Variants in ITGA9 observed in about 807,000 individuals in gnomAD.
ITGA9 encodes the protein integrin subunit alpha 9, also known as integrin alpha-9.
ITGA9 carries 56 observed loss-of-function variants against 127.8 expected under a neutral mutation model. The observed-to-expected ratio is 0.44, with a 90% CI of 0.35 to 0.55. ITGA9 has a LOEUF of 0.55. Among genes scored for constraint, ITGA9 ranks in the 20% least tolerant of loss-of-function variants. The pLI is 0.00. For synonymous variants in ITGA9, 508 were observed against 514.5 expected, an observed-to-expected ratio of 0.99 and a Z score of 0.17; for missense variants, 1,196 against 1,347.1, an observed-to-expected ratio of 0.89 and a Z score of 1.76.
chr3:37,711,774 G>T (rs186196402), intron 18 of ITGA9, among the ~76,000 whole-genome samples: 10 of 152,156 alleles, frequency 6.6e-5, no homozygotes, highest in Non-Finnish European at 1.5e-4. Flanking sequence ...TGTACTTAGG[G>T]TCAATGTTCT....
chr3:37,739,653 C>G (rs912092462), intron 20 of ITGA9, among the ~76,000 whole-genome samples: 103 of 152,254 alleles, frequency 6.8e-4, no homozygotes, highest in African/African-American at 2.4e-3. Flanking sequence ...GAAAGTATCC[C>G]AGCTCATTAG....
intron 18 of ITGA9, among the ~76,000 whole-genome samples, chr3:37,728,643 T>C (rs1245068272): frequency 6.6e-6 from 1 of 152,066 alleles, no homozygotes; most frequent in Non-Finnish European, 1.5e-5. Flanking sequence ...TTCTCTTCCT[T>C]AGTATGGATT....
intron 8 of ITGA9, among the ~76,000 whole-genome samples, chr3:37,513,424 C>CT (rs922269433): frequency 2.0e-5 from 3 of 151,296 alleles, no homozygotes; most frequent in African/African-American, 4.9e-5. Context: ...AGGGATGTTT[C>CT]TTTTTTTTTA....
At chr3:37,753,833 A>G (rs2125539551) in intron 23 of ITGA9, 1 of 152,296 alleles carries the variant, frequency 6.6e-6, no homozygotes, top group South Asian at 2.1e-4. Flanking sequence ...GGACATTGTC[A>G]GCAAACCACC....
chr3:37,681,955 A>C (rs995107747), intron 17 of ITGA9, among the ~76,000 whole-genome samples: 4 of 152,062 alleles, frequency 2.6e-5, no homozygotes, highest in African/African-American at 4.8e-5. Context: ...CCCATCTACT[A>C]ATGCATCTTC....
rs769351703 is a variant in ITGA9 at position 37,542,512 on chromosome 3, T to A, written c.1616T>A (p.Met539Lys). 1.2e-6 allele frequency: 2 copies of A among 1,614,124 alleles called. No individual in the cohort carries two copies. Among genetic ancestry groups the A allele is most frequent in the Non-Finnish European group, 1.7e-6 (2 of 1,180,018 alleles). ...TACTTTGTGCTGCTGGGAGAGACCA[T>A]GGGTCAGGTCACAGAGAAGCTGCAG... is the stretch of plus-strand genomic sequence containing the variant. ...RVYFVLLGET[M>K]GQVTEKLQLT... Residue 539 changes from methionine (M) to lysine (K), a missense_variant, in exon 15 of 28, where the codon ATG becomes AAG. Met to Lys is a moderately conservative substitution (Grantham distance 95). Coordinates refer to ENST00000264741, the MANE Select transcript of ITGA9 (RefSeq NM_002207.3).
chr3:37,767,150 G>A (rs141371255), intron 23 of ITGA9, among the ~76,000 whole-genome samples: 3 of 152,338 alleles, frequency 2.0e-5, no homozygotes, highest in East Asian at 3.9e-4. Context: ...CCCTAAAGCT[G>A]ATGGAAATGA....
chr3:37,784,734 G>T (rs182824361), intron 25 of ITGA9, among the ~76,000 whole-genome samples: 1 of 152,148 alleles, frequency 6.6e-6, no homozygotes, highest in East Asian at 1.9e-4. Flanking sequence ...CACATCTTGC[G>T]TGTGTTGATT....
At chr3:37,470,353 G>C (rs1028614277) in intron 1 of ITGA9, among the ~76,000 whole-genome samples, 2 of 152,092 alleles carry the variant, frequency 1.3e-5, no homozygotes, top group African/African-American at 4.8e-5. Context: ...GAAGGTTCTA[G>C]TTACTCTATA....
At chr3:37,578,538 T>C (rs1259128817) in intron 15 of ITGA9, among the ~76,000 whole-genome samples, 1 of 152,202 alleles carries the variant, frequency 6.6e-6, no homozygotes, top group Non-Finnish European at 1.5e-5. Context: ...TTTCTCCCCA[T>C]GGCTTGGCCA....
chr3:37,644,431 G>T (rs563688139), intron 16 of ITGA9, among the ~76,000 whole-genome samples: 2 of 152,210 alleles, frequency 1.3e-5, no homozygotes, highest in East Asian at 1.9e-4. Context: ...ACAATGGAGG[G>T]GTGGGGAAGT....
chr3:37,590,309 G>C (rs144093339), intron 15 of ITGA9, among the ~76,000 whole-genome samples: 1 of 152,136 alleles, frequency 6.6e-6, no homozygotes, highest in Non-Finnish European at 1.5e-5. Context: ...GCTTTATCCC[G>C]CTGAGCAGTG....
At chr3:37,530,271 C>T (rs1340059976) in intron 13 of ITGA9, among the ~76,000 whole-genome samples, 1 of 152,206 alleles carries the variant, frequency 6.6e-6, no homozygotes, top group Non-Finnish European at 1.5e-5. Context: ...TTGGCTCAGC[C>T]TGGCCTAACT....
intron 26 of ITGA9, among the ~76,000 whole-genome samples, chr3:37,789,091 G>A (rs1697074601): frequency 6.6e-6 from 1 of 152,024 alleles, no homozygotes; most frequent in Admixed American, 6.6e-5. Context: ...TTTCTCCTGT[G>A]TGCCTTTATT....
At chr3:37,548,993 C>G (rs191479686) in intron 15 of ITGA9, among the ~76,000 whole-genome samples, 185 of 152,328 alleles carry the variant, frequency 1.2e-3, no homozygotes, top group Non-Finnish European at 1.9e-3. Context: ...TCATCCAGCT[C>G]AGGTGTGAAG....
chr3:37,654,666 C>T (rs182283921), intron 17 of ITGA9, among the ~76,000 whole-genome samples: 3 of 152,124 alleles, frequency 2.0e-5, no homozygotes, highest in African/African-American at 7.2e-5. Context: ...CATGAATATA[C>T]TATTATGAAC....
At position 37,595,107 on chromosome 3, in the gene ITGA9, G is replaced by GT. The variant is rs201603327; in HGVS notation, c.1690-34071dup. Among the ~76,000 whole-genome samples, 1,329 of 150,428 alleles carry GT rather than the reference G, an allele frequency of 8.8e-3. 9 individuals carry two copies. Among genetic ancestry groups the GT allele is most frequent in the Middle Eastern group, 0.021 (6 of 292 alleles). ...TTTTGTTGTTTTTGTTTTTGTTTTT[G>GT]TTTTTTTTTGACTTTGAGACAGGAT... is the stretch of plus-strand genomic sequence containing the variant. On this transcript the variant is annotated intron_variant, in intron 15 of 27. Transcript: ENST00000264741.
At chr3:37,567,824 G>A (rs139715446) in intron 15 of ITGA9, among the ~76,000 whole-genome samples, 91 of 152,310 alleles carry the variant, frequency 6.0e-4, no homozygotes, top group African/African-American at 1.1e-3. Flanking sequence ...GCAGCTCTGC[G>A]TCTGTGGCTT....
At chr3:37,573,667 GA>G (rs1264122127) in intron 15 of ITGA9, among the ~76,000 whole-genome samples, 2 of 152,174 alleles carry the variant, frequency 1.3e-5, no homozygotes, top group African/African-American at 4.8e-5. Context: ...AGATTTCCGA[GA>G]GAGTGCGGTT....
Sources: gnomAD v4.1 joint callset for allele counts (sites outside exome capture counted in the v4.1 genomes callset) on GRCh38, gnomAD v4.1.1 for gene constraint, MANE v1.5 for transcripts, NCBI Gene and HGNC (gene_info 2026-07-23, HGNC 2026-07-21) for gene names.